ADGRV1: variants seen among roughly 807,000 people sequenced by gnomAD.
ADGRV1 encodes the protein adhesion G protein-coupled receptor V1, also known as G-protein coupled receptor 98.
ADGRV1 carries 359 observed loss-of-function variants against 596.2 expected under a neutral mutation model. That is an observed-to-expected ratio of 0.60 (90% CI 0.55 to 0.66). ADGRV1 has a LOEUF of 0.66. Ranked by LOEUF, ADGRV1 falls within the 30% of genes least tolerant of loss-of-function variation. ADGRV1 has a pLI of 0.00. For synonymous variants in ADGRV1, 2,681 were observed against 2,679.2 expected (o/e 1.00, Z -0.02); for missense variants, 7,274 against 7,575.6 (o/e 0.96, Z 1.48).
At chr5:90,695,034 A>G (rs1449531632) in intron 33 of ADGRV1, among the ~76,000 whole-genome samples, 2 of 152,206 alleles carry the variant, frequency 1.3e-5, no homozygotes, top group African/African-American at 4.8e-5. Flanking sequence ...GGAAATTTTA[A>G]TAATGACCCA....
intron 85 of ADGRV1, among the ~76,000 whole-genome samples, chr5:91,039,664 T>G (rs1044550419): frequency 1.3e-5 from 2 of 152,178 alleles, no homozygotes; most frequent in Non-Finnish European, 2.9e-5. Flanking sequence ...GGGAAAGAGC[T>G]GAAACATCAC....
intron 9 of ADGRV1, among the ~76,000 whole-genome samples, chr5:90,634,825 G>C (rs1765954532): frequency 6.6e-6 from 1 of 152,052 alleles, no homozygotes; most frequent in Non-Finnish European, 1.5e-5. Flanking sequence ...ATAATGATTT[G>C]GAATTAGAGG....
chr5:91,093,493 T>C (rs773256542), intron 86 of ADGRV1, among the ~76,000 whole-genome samples: 3 of 152,242 alleles, frequency 2.0e-5, no homozygotes, highest in Admixed American at 1.3e-4. Flanking sequence ...AATTCTTTTA[T>C]TGAACAAACA....
At position 90,725,666 on chromosome 5, in the gene ADGRV1, T is replaced by A; in HGVS notation, c.10161+10T>A. 1 of 1,342,938 alleles carries A rather than the reference T, an allele frequency of 7.4e-7. No individual in the cohort carries two copies. Among genetic ancestry groups the A allele is most frequent in the African/African-American group, 1.5e-5 (1 of 68,272 alleles). The allele number at this position is 1,342,938 out of a possible 1,614,324, so 83.2% of individuals were successfully genotyped here. ...TTCCGAATTAACTCAGGTTTGATTC[T>A]TTTAAAATGAAGTGGGTTTTTTTTT... On this transcript the variant is annotated intron_variant, in intron 48 of 89. Transcript: ENST00000405460.
At chr5:90,767,665 C>A (rs1757287432) in intron 59 of ADGRV1, among the ~76,000 whole-genome samples, 1 of 148,168 alleles carries the variant, frequency 6.7e-6, no homozygotes, top group African/African-American at 2.6e-5. Context: ...TTACATGGTC[C>A]ATGTCTTACT....
chr5:90,575,975 C>G (rs1757148498), intron 1 of ADGRV1, among the ~76,000 whole-genome samples: 1 of 152,070 alleles, frequency 6.6e-6, no homozygotes, highest in African/African-American at 2.4e-5. Context: ...ATCTTGATCC[C>G]TGTGAAATGG....
chr5:90,926,268 C>CT (rs1561950692), intron 83 of ADGRV1, among the ~76,000 whole-genome samples: 1 of 151,914 alleles, frequency 6.6e-6, no homozygotes, highest in East Asian at 1.9e-4. Context: ...GTCCTGGACT[C>CT]TTTTTGGTTG....
intron 72 of ADGRV1, 118 bp downstream of exon 72, chr5:90,805,576 TC>T: frequency 1.2e-6 from 1 of 844,892 alleles, no homozygotes; most frequent in Non-Finnish European, 1.7e-6. Flanking sequence ...AATACAATGC[TC>T]CCATATTTAA....
rs78369410 is a variant in ADGRV1, at chr5:90,751,309, C to A, written c.11121+612C>A. Among the ~76,000 whole-genome samples, 209 of 152,242 alleles carry A rather than the reference C, an allele frequency of 1.4e-3. 9 individuals are homozygous for A. The East Asian group carries it at 0.037, about 27-fold the overall frequency. On this transcript the variant is annotated intron_variant, in intron 53 of 89. Coordinates refer to ENST00000405460, the MANE Select transcript of ADGRV1 (RefSeq NM_032119.4). ...CTTAGGAGTTGTTCCCAGTTTAGAGCTAAGCTATTGATATCCCCATTTTAG... is the reference window on the plus strand; with the variant it reads ...CTTAGGAGTTGTTCCCAGTTTAGAGATAAGCTATTGATATCCCCATTTTAG...
intron 81 of ADGRV1, among the ~76,000 whole-genome samples, chr5:90,854,804 A>T (rs566858349): frequency 6.6e-6 from 1 of 152,250 alleles, no homozygotes; most frequent in African/African-American, 2.4e-5. Context: ...CAGCCACTTG[A>T]TTTTGTTTAT....
In ADGRV1 at chr5:90,653,823, A is replaced by C; in HGVS notation, c.4249A>C (p.Lys1417Gln). The C allele has an allele frequency of 6.2e-7, 1 of 1,613,258 alleles. No individual in the cohort carries two copies. The highest frequency in any genetic ancestry group is 8.5e-7 in the Non-Finnish European group (1 of 1,179,586). Residue 1417 changes from lysine (K) to glutamine (Q), a missense_variant, in exon 20 of 90, where the codon AAA becomes CAA. Transcript: ENST00000405460. ...ATYIAKTTVM[K>Q]YLEESVWLHL... ...ATACATTGCCAAGACAACAGTCATG[A>C]AATATTTAGAAGAAAGTGTTTGGCT... is the stretch of plus-strand genomic sequence containing the variant.
intron 83 of ADGRV1, among the ~76,000 whole-genome samples, chr5:90,918,559 T>C (rs936446591): frequency 2.4e-4 from 36 of 152,152 alleles, no homozygotes; most frequent in Non-Finnish European, 5.9e-5. Context: ...GCCCCATTAG[T>C]TAGTATTTTT....
At chr5:90,563,871 A>G (rs1755191017) in intron 1 of ADGRV1, among the ~76,000 whole-genome samples, 1 of 152,224 alleles carries the variant, frequency 6.6e-6, no homozygotes, top group African/African-American at 2.4e-5. Flanking sequence ...AATATACTTC[A>G]TGTATACACT....
At chr5:91,073,099 T>C (rs536680617) in intron 86 of ADGRV1, among the ~76,000 whole-genome samples, 1 of 152,344 alleles carries the variant, frequency 6.6e-6, no homozygotes, top group South Asian at 2.1e-4. Context: ...CAAGCCTTTC[T>C]AGTTCAAATT....
chr5:90,983,257 A>T (rs550566546), intron 84 of ADGRV1, among the ~76,000 whole-genome samples: 1 of 152,340 alleles, frequency 6.6e-6, no homozygotes, highest in East Asian at 1.9e-4. Context: ...TAAATCTAAC[A>T]ATTACATTTG....
intron 59 of ADGRV1, among the ~76,000 whole-genome samples, chr5:90,769,733 G>C (rs1411448731): frequency 6.6e-6 from 1 of 151,892 alleles, no homozygotes; most frequent in Non-Finnish European, 1.5e-5. Context: ...TTTCTTCATA[G>C]TTGCTTATTG....
intron 52 of ADGRV1, among the ~76,000 whole-genome samples, chr5:90,748,008 G>A (rs760324627): frequency 6.6e-6 from 1 of 152,204 alleles, no homozygotes; most frequent in Non-Finnish European, 1.5e-5. Context: ...CCATAGTATA[G>A]AGAATAGATT....
intron 72 of ADGRV1, 29 bp from the exon 73 acceptor site, chr5:90,807,573 C>G (rs114851823): frequency 6.3e-7 from 1 of 1,595,700 alleles, no homozygotes; most frequent in Non-Finnish European, 8.6e-7. Context: ...AAATAATACC[C>G]TACTTTGCTT....
intron 44 of ADGRV1, 80 bp downstream of exon 44, chr5:90,720,303 G>C: frequency 1.1e-6 from 1 of 892,996 alleles, no homozygotes. Flanking sequence ...AATGCAGAAG[G>C]AAATTGATAT....
Sources: gnomAD v4.1 joint callset for allele counts (sites outside exome capture counted in the v4.1 genomes callset) on GRCh38, gnomAD v4.1.1 for gene constraint, MANE v1.5 for transcripts, NCBI Gene and HGNC (gene_info 2026-07-23, HGNC 2026-07-21) for gene names.